The following RGS6 variants were observed in gnomAD, a reference collection of about 807,000 sequenced individuals.
RGS6 encodes the protein regulator of G protein signaling 6, also known as regulator of G-protein signaling 6.
Under a neutral mutation model 78.5 loss-of-function variants are expected in RGS6, and 30 were observed. That is an observed-to-expected ratio of 0.38 (90% CI 0.29 to 0.52). The LOEUF (loss-of-function observed/expected upper bound fraction) is 0.52. Among genes scored for constraint, RGS6 ranks in the 20% least tolerant of loss-of-function variants. The pLI is 0.85. For synonymous variants in RGS6, 206 were observed against 206.0 expected, an observed-to-expected ratio of 1.00 and a Z score of 0.00; for missense variants, 495 against 609.7, an observed-to-expected ratio of 0.81 and a Z score of 1.98.
chr14:72,553,055 CACAGGTGT>C (rs2097528317), intron 17 of RGS6, among the ~76,000 whole-genome samples: 1 of 152,192 alleles, frequency 6.6e-6, no homozygotes. Context: ...TGCACATGTG[CACAGGTGT>C]ATACACAGGT....
At chr14:71,947,194 C>T (rs1279182650) in intron 1 of RGS6, among the ~76,000 whole-genome samples, 5 of 152,184 alleles carry the variant, frequency 3.3e-5, no homozygotes, top group Non-Finnish European at 7.4e-5. Flanking sequence ...AGGCTGACTG[C>T]TGACTCCTGG....
intron 2 of RGS6, among the ~76,000 whole-genome samples, chr14:72,206,599 GGGA>G (rs1238720965): frequency 6.6e-6 from 1 of 152,074 alleles, no homozygotes; most frequent in Non-Finnish European, 1.5e-5. Flanking sequence ...CAGTCATGGC[GGGA>G]GGAAAGGAGG....
chr14:72,489,725 A>AGAGGCAAGGCGAGGTGAGAC (rs1402886088), intron 12 of RGS6, among the ~76,000 whole-genome samples: 13 of 151,110 alleles, frequency 8.6e-5, no homozygotes, highest in Non-Finnish European at 1.5e-4. Flanking sequence ...AAAGGAAAGG[A>AGAGGCAAGGCGAGGTGAGAC]GAGGCAAGGC....
At chr14:71,967,055 CT>C (rs2093565027) in intron 2 of RGS6, among the ~76,000 whole-genome samples, 1 of 151,784 alleles carries the variant, frequency 6.6e-6, no homozygotes, top group South Asian at 2.1e-4. Flanking sequence ...TTGGTTTTTA[CT>C]TTTTGGTGGT....
At chr14:72,005,060 T>TA (rs1398957682) in intron 2 of RGS6, among the ~76,000 whole-genome samples, 2 of 152,212 alleles carry the variant, frequency 1.3e-5, no homozygotes, top group African/African-American at 2.4e-5. Flanking sequence ...GCATAAGTTG[T>TA]AATTGCCTGG....
the RGS6 span, among the ~76,000 whole-genome samples, chr14:72,616,840 A>T: frequency 6.6e-6 from 1 of 152,338 alleles, no homozygotes; most frequent in East Asian, 1.9e-4. Context: ...GAGGTGATAA[A>T]TGTGACCACG....
chr14:72,069,403 A>G (rs1236607408), intron 2 of RGS6, among the ~76,000 whole-genome samples: 2 of 152,202 alleles, frequency 1.3e-5, no homozygotes, highest in Non-Finnish European at 2.9e-5. Flanking sequence ...ATAAAAGTCT[A>G]AATTCAGTCA....
intron 2 of RGS6, among the ~76,000 whole-genome samples, chr14:72,169,191 G>T (rs1408568088): frequency 6.6e-6 from 1 of 152,184 alleles, no homozygotes; most frequent in East Asian, 1.9e-4. Flanking sequence ...CCCTTGGTTT[G>T]TAGAGTACAT....
intron 2 of RGS6, among the ~76,000 whole-genome samples, chr14:72,343,629 C>T (rs981646081): frequency 1.8e-4 from 21 of 117,074 alleles, no homozygotes; most frequent in African/African-American, 6.0e-4. Context: ...TATGGCATGG[C>T]CCCGTTTTCG....
chr14:71,914,667 C>A, the RGS6 span, among the ~76,000 whole-genome samples: 1 of 151,938 alleles, frequency 6.6e-6, no homozygotes, highest in Non-Finnish European at 1.5e-5. Flanking sequence ...TCTTGTTGCC[C>A]AGGCTGGCAA....
At chr14:72,239,483 G>A (rs2052164311) in intron 2 of RGS6, among the ~76,000 whole-genome samples, 1 of 152,196 alleles carries the variant, frequency 6.6e-6, no homozygotes, top group Non-Finnish European at 1.5e-5. Context: ...ATCATTTTTA[G>A]AGAGGCAGTG....
chr14:72,366,206 G>A (rs1344637932), intron 3 of RGS6, among the ~76,000 whole-genome samples: 1 of 152,120 alleles, frequency 6.6e-6, no homozygotes, highest in Non-Finnish European at 1.5e-5. Context: ...TATCTTCCCT[G>A]CTCAGATCAG....
At chr14:72,505,019 G>C (rs111227133) in intron 13 of RGS6, among the ~76,000 whole-genome samples, 1 of 140,012 alleles carries the variant, frequency 7.1e-6, no homozygotes, top group African/African-American at 2.7e-5. Context: ...CTTGTGATCC[G>C]CCTGCATTGG....
At chr14:72,277,817 A>G (rs1021244103) in intron 2 of RGS6, among the ~76,000 whole-genome samples, 2 of 152,142 alleles carry the variant, frequency 1.3e-5, no homozygotes, top group African/African-American at 2.4e-5. Context: ...AGTCCCAGCT[A>G]TTTGGGAGGC....
chr14:72,172,774 C>T (rs1035928036), intron 2 of RGS6, among the ~76,000 whole-genome samples: 7 of 152,168 alleles, frequency 4.6e-5, no homozygotes, highest in African/African-American at 1.7e-4. Context: ...AACAAAGTCA[C>T]TCCACCTGAG....
At chr14:72,253,487 C>A (rs1760547465) in intron 2 of RGS6, among the ~76,000 whole-genome samples, 1 of 152,258 alleles carries the variant, frequency 6.6e-6, no homozygotes, top group Admixed American at 6.5e-5. Flanking sequence ...TCTGTCATAG[C>A]TACTCAATTC....
chr14:72,162,078 T>C (rs951322629), intron 2 of RGS6, among the ~76,000 whole-genome samples: 4 of 152,192 alleles, frequency 2.6e-5, no homozygotes, highest in African/African-American at 9.7e-5. Flanking sequence ...TTCTCAAAAT[T>C]CCAAGAATGA....
intron 15 of RGS6, among the ~76,000 whole-genome samples, chr14:72,531,392 C>T (rs2097180604): frequency 6.7e-6 from 1 of 149,718 alleles, no homozygotes; most frequent in Non-Finnish European, 1.5e-5. Flanking sequence ...TGAGGTCACA[C>T]CACTGCACTG....
intron 2 of RGS6, among the ~76,000 whole-genome samples, chr14:72,089,192 C>T (rs1241665686): frequency 6.6e-6 from 1 of 152,252 alleles, no homozygotes; most frequent in African/African-American, 2.4e-5. Context: ...ACATGGAAAG[C>T]ATTCAGGGAA....
Sources: allele counts gnomAD v4.1 joint callset (sites outside exome capture counted in the v4.1 genomes callset), GRCh38; gene constraint gnomAD v4.1.1; transcripts MANE v1.5; gene names NCBI Gene and HGNC (gene_info 2026-07-23, HGNC 2026-07-21).